DCP1B: variants seen among roughly 807,000 people sequenced by gnomAD.
DCP1B encodes mRNA-decapping enzyme 1B.
DCP1B carries 47 observed loss-of-function variants against 60.5 expected under a neutral mutation model. That is an observed-to-expected ratio of 0.78 (90% confidence interval 0.61 to 0.99). DCP1B has a LOEUF of 0.99. Ranked by LOEUF, DCP1B falls within the 50% of genes least tolerant of loss-of-function variation. DCP1B has a pLI of 0.00. For missense variants in DCP1B, 725 were observed against 756.8 expected (o/e 0.96, Z 0.49); for synonymous variants, 267 against 280.3 (o/e 0.95, Z 0.47).
chr12:1,952,765 G>A lies in DCP1B; in HGVS notation c.1175C>T (p.Thr392Ile), dbSNP rs1252862773. Residue 392 changes from threonine (T) to isoleucine (I), a missense_variant, in exon 7 of 9, where the codon ACC becomes ATC. By Grantham distance (89) the Thr-to-Ile change is moderately conservative. Transcript: ENST00000280665. ...CAGACCCTTTCCTGGAGCCACAGGG[G>A]TGACAGAAGTGGGAGCTCTGCTGCG... ...LNRSRAPTSVTPVAPGKGLAQ... is the reference protein window; with the variant it reads ...LNRSRAPTSVIPVAPGKGLAQ... 2 of 1,614,208 alleles carry A rather than the reference G, an allele frequency of 1.2e-6. No homozygotes were observed. The highest frequency in any genetic ancestry group is 2.7e-5 in the African/African-American group (2 of 75,044).
intron 3 of DCP1B, among the ~76,000 whole-genome samples, chr12:1,975,213 T>G (rs1041530956): frequency 6.6e-6 from 1 of 152,162 alleles, no homozygotes; most frequent in Non-Finnish European, 1.5e-5. Context: ...AAACCCTTTA[T>G]GTTTAAACAG....
At chr12:1,969,833 T>G (rs1478373227) in intron 3 of DCP1B, among the ~76,000 whole-genome samples, 2 of 152,200 alleles carry the variant, frequency 1.3e-5, no homozygotes, top group East Asian at 3.9e-4. Context: ...TTGGTGACTT[T>G]AACCTTAGTT....
Position 1,949,180 on chromosome 12 carries a change from A to C in DCP1B, c.1679T>G (p.Leu560Arg). 4 of 1,614,108 alleles carry C rather than the reference A, an allele frequency of 2.5e-6. No homozygotes were observed. Among genetic ancestry groups the C allele is most frequent in the Non-Finnish European group, 3.4e-6 (4 of 1,180,012 alleles). ...GQEPPAAATS[L>R]LLPIQSPEPS... ...CTCCGGGCTCTGTATGGGCAGGAGG[A>C]GGCTGGTGGCAGCAGCAGGTGGCTC... Residue 560 changes from leucine to arginine, a missense_variant, in exon 8 of 9, where the codon CTC (leucine) becomes CGC (arginine). Leu to Arg is a moderately radical substitution (Grantham distance 102). Coordinates refer to ENST00000280665, the MANE Select transcript of DCP1B (RefSeq NM_152640.5).
rs1380543603 is a variant in DCP1B, at chr12:1,952,908, A to G, written c.1032T>C (p.Arg344=). ...PGSPHNIGTS[R]GVQNASRTQN... Reference sequence around the variant, plus strand: ...GAGTTCTGGAAGCATTTTGTACACCACGAGAAGTTCCAATGTTGTGAGGAG... The same window carrying G: ...GAGTTCTGGAAGCATTTTGTACACCGCGAGAAGTTCCAATGTTGTGAGGAG... The change falls in exon 7 of 9, where the codon CGT becomes CGC. Residue 344 remains arginine (R), a synonymous_variant. Transcript: ENST00000280665. 6.2e-7 allele frequency: 1 copy of G among 1,614,212 alleles called. No individual in the cohort carries two copies. Among genetic ancestry groups the G allele is most frequent in the East Asian group, 2.2e-5 (1 of 44,886 alleles).
intron 3 of DCP1B, chr12:1,991,733 A>C (rs924768967): frequency 1.9e-5 from 3 of 157,224 alleles, no homozygotes; most frequent in Non-Finnish European, 2.8e-5. Flanking sequence ...TATCAGATAA[A>C]CCCTGTGGGA....
chr12:1,953,286 G>T lies in DCP1B; in HGVS notation c.654C>A (p.Thr218=). Reference sequence around the variant, plus strand: ...ATAAGTGTTGGGGTTCAGGGTCTAAGGTCTGGAAAAAATAAAGATATCTGA... The same window carrying T: ...ATAAGTGTTGGGGTTCAGGGTCTAATGTCTGGAAAAAATAAAGATATCTGA... ...QQQRIPQPNQ[T]LDPEPQHLSL... The change falls in exon 7 of 9, where the codon ACC becomes ACA. Residue 218 remains threonine (T), a splice_region_variant and synonymous_variant. Transcript: ENST00000280665. 5 of 1,564,260 alleles carry T rather than the reference G, an allele frequency of 3.2e-6. No homozygotes were observed. In the South Asian group the frequency reaches 4.6e-5, roughly 14 times the overall value.
downstream of DCP1B, among the ~76,000 whole-genome samples, chr12:1,944,249 G>C (rs1043421621): frequency 8.5e-5 from 13 of 152,062 alleles, no homozygotes; most frequent in African/African-American, 3.1e-4. Flanking sequence ...TCTCTTCAAG[G>C]AGACCTACAA....
intron 4 of DCP1B, 121 bp from the exon 5 acceptor site, chr12:1,965,814 T>C: frequency 8.0e-7 from 1 of 1,251,418 alleles, no homozygotes; most frequent in Non-Finnish European, 1.1e-6. Context: ...AGAAATAAGC[T>C]TGCTTAGGAA....
intron 3 of DCP1B, among the ~76,000 whole-genome samples, chr12:1,969,443 G>GT (rs1449024747): frequency 6.6e-6 from 1 of 151,980 alleles, no homozygotes; most frequent in Non-Finnish European, 1.5e-5. Flanking sequence ...TGCACGTGAA[G>GT]TGGGGGGGAA....
chr12:1,973,056 A>G (rs1002341435), intron 3 of DCP1B, among the ~76,000 whole-genome samples: 2 of 152,204 alleles, frequency 1.3e-5, no homozygotes, highest in Non-Finnish European at 2.9e-5. Context: ...TTCCTCCGGC[A>G]TGTTCTCTAA....
chr12:1,985,415 T>C (rs771541082), intron 3 of DCP1B, among the ~76,000 whole-genome samples: 29 of 152,184 alleles, frequency 1.9e-4, no homozygotes, highest in Admixed American at 3.3e-4. Flanking sequence ...ATCCAAGAAA[T>C]AGTATATTAT....
intron 3 of DCP1B, among the ~76,000 whole-genome samples, chr12:1,986,038 C>T (rs1322324822): frequency 1.3e-5 from 2 of 152,196 alleles, no homozygotes; most frequent in Non-Finnish European, 2.9e-5. Context: ...TGGTCTCGAT[C>T]TCCTGACCTC....
intron 3 of DCP1B, among the ~76,000 whole-genome samples, chr12:1,988,597 T>C (rs2038476241): frequency 6.6e-6 from 1 of 152,234 alleles, no homozygotes; most frequent in African/African-American, 2.4e-5. Context: ...TTTCGTAAAA[T>C]GGATCCTTCA....
intron 3 of DCP1B, among the ~76,000 whole-genome samples, chr12:1,972,224 A>T (rs1225252899): frequency 6.6e-6 from 1 of 152,240 alleles, no homozygotes; most frequent in Non-Finnish European, 1.5e-5. Flanking sequence ...AAATTCCTTC[A>T]AACTCCACTC....
At chr12:1,979,636 G>A (rs531046509) in intron 3 of DCP1B, among the ~76,000 whole-genome samples, 31 of 152,300 alleles carry the variant, frequency 2.0e-4, no homozygotes, top group African/African-American at 6.0e-4. Context: ...AAATAACTAC[G>A]AACGGAACTT....
At chr12:1,964,509 T>A (rs2031229962) in intron 5 of DCP1B, among the ~76,000 whole-genome samples, 1 of 152,224 alleles carries the variant, frequency 6.6e-6, no homozygotes, top group Non-Finnish European at 1.5e-5. Flanking sequence ...TTTCCTAGAT[T>A]ATAAAGAAAT....
intron 8 of DCP1B, among the ~76,000 whole-genome samples, chr12:1,946,968 T>C (rs1403206618): frequency 6.6e-6 from 1 of 152,212 alleles, no homozygotes; most frequent in African/African-American, 2.4e-5. Flanking sequence ...AGTGTTGGAT[T>C]ACAGGCATGA....
intron 3 of DCP1B, among the ~76,000 whole-genome samples, chr12:1,975,848 T>G (rs1408961983): frequency 6.6e-6 from 1 of 152,182 alleles, no homozygotes; most frequent in Non-Finnish European, 1.5e-5. Context: ...TATATTCACA[T>G]GAAGGTTCTC....
chr12:1,960,599 G>T (rs1248844891), intron 5 of DCP1B, among the ~76,000 whole-genome samples: 1 of 151,948 alleles, frequency 6.6e-6, no homozygotes, highest in Non-Finnish European at 1.5e-5. Flanking sequence ...CTTGATTTAG[G>T]CACCCTATAA....
Sources: gnomAD v4.1 joint callset for allele counts (sites outside exome capture counted in the v4.1 genomes callset) on GRCh38, gnomAD v4.1.1 for gene constraint, MANE v1.5 for transcripts, NCBI Gene and HGNC (gene_info 2026-07-23, HGNC 2026-07-21) for gene names.